The following ASRGL1 variants were observed in gnomAD, a reference collection of about 807,000 sequenced individuals.
ASRGL1 encodes asparaginase and isoaspartyl peptidase 1.
Under a neutral mutation model 22.4 loss-of-function variants are expected in ASRGL1, and 16 were observed. That is an observed-to-expected ratio of 0.71 (90% CI 0.48 to 1.08). ASRGL1 has a LOEUF of 1.08. Ranked by LOEUF, ASRGL1 falls within the 50% of genes least tolerant of loss-of-function variation. The pLI, the probability that ASRGL1 is intolerant of heterozygous loss-of-function variation, is 0.00. For synonymous variants in ASRGL1, 165 were observed against 159.3 expected (o/e 1.04, Z -0.27); for missense variants, 412 against 410.1 (o/e 1.00, Z -0.04).
chr11:62,356,501 A>C lies in ASRGL1; in HGVS notation c.333+34A>C, dbSNP rs150303172. The stretch of plus-strand genomic sequence containing the variant: ...GACTAAAGCAGCCTTTTCCTAATGA[A>C]TTGTTATTGTTATACTGCAGTGATA... On this transcript the variant is annotated intron_variant, in intron 3 of 6. Coordinates refer to ENST00000415229, the MANE Select transcript of ASRGL1 (RefSeq NM_001083926.2). The C allele has an allele frequency of 5.0e-6, 8 of 1,605,820 alleles. No individual in the cohort carries two copies. In the South Asian group the frequency reaches 5.5e-5, roughly 11 times the overall value.
chr11:62,392,159 G>T lies in ASRGL1; in HGVS notation c.802G>T (p.Val268Phe). Reference sequence around the variant, plus strand: ...TAAAGGTTTAGGTGGCCTCATCGTGGTTAGCAAAACAGGAGACTGGGTGGC... The same window carrying T: ...TAAAGGTTTAGGTGGCCTCATCGTGTTTAGCAAAACAGGAGACTGGGTGGC... ...RVKGLGGLIV[V>F]SKTGDWVAKW... is the part of the protein sequence containing the mutation. The change falls in exon 7 of 7, where the codon GTT becomes TTT. Residue 268 changes from valine to phenylalanine, a missense_variant. Val to Phe is a conservative substitution (Grantham distance 50). Transcript: ENST00000415229. The T allele has an allele frequency of 6.2e-7, 1 of 1,614,228 alleles. No individual in the cohort carries two copies. Among genetic ancestry groups the T allele is most frequent in the Non-Finnish European group, 8.5e-7 (1 of 1,180,046 alleles).
intron 4 of ASRGL1, among the ~76,000 whole-genome samples, chr11:62,373,550 A>G (rs1325449756): frequency 6.6e-6 from 1 of 152,184 alleles, no homozygotes; most frequent in African/African-American, 2.4e-5. Context: ...AGTGGATGCT[A>G]CATGGAAGAG....
In ASRGL1 at chr11:62,338,188, G is replaced by A. The variant is rs188144930; in HGVS notation, c.190+21G>A. 505 of 1,521,870 alleles carry A rather than the reference G, an allele frequency of 3.3e-4. 1 individual carries two copies. In the African/African-American group the frequency reaches 6.3e-3, roughly 19 times the overall value. 94.3% of individuals were successfully genotyped at this position (1,521,870 alleles called of 1,614,324 possible). A position where few individuals can be genotyped will look rare whatever the true frequency, so the allele number is the denominator to read the frequency against. On this transcript the variant is annotated intron_variant, in intron 2 of 6. Coordinates refer to ENST00000415229, the MANE Select transcript of ASRGL1 (RefSeq NM_001083926.2). ...CGCAGGTAAATGTGCCTTTCAGCTA[G>A]TAAATAATGTGAGTCAGGTCAAGCT...
At chr11:62,343,721 C>T (rs1344609618) in intron 2 of ASRGL1, among the ~76,000 whole-genome samples, 1 of 138,488 alleles carries the variant, frequency 7.2e-6, no homozygotes, top group African/African-American at 2.6e-5. Context: ...AAGCAAGACT[C>T]CAGCTCCACA....
chr11:62,359,605 G>A (rs1946385525), intron 4 of ASRGL1, among the ~76,000 whole-genome samples: 1 of 152,012 alleles, frequency 6.6e-6, no homozygotes, highest in Non-Finnish European at 1.5e-5. Context: ...ACATCTCACT[G>A]AGGACAGCCA....
intron 2 of ASRGL1, among the ~76,000 whole-genome samples, chr11:62,345,200 C>T (rs1012353641): frequency 1.3e-5 from 2 of 152,190 alleles, no homozygotes; most frequent in East Asian, 3.8e-4. Flanking sequence ...CCTCCATATA[C>T]TGATTTCCTT....
chr11:62,379,606 A>G (rs1359362429), intron 4 of ASRGL1, among the ~76,000 whole-genome samples: 1 of 152,222 alleles, frequency 6.6e-6, no homozygotes, highest in Non-Finnish European at 1.5e-5. Context: ...GATTAGTCCT[A>G]CAGTCCCCTC....
rs141387079 is a variant in ASRGL1 at position 62,363,335 on chromosome 11, G to A, written c.491+6191G>A. Among the ~76,000 whole-genome samples the A allele has an allele frequency of 2.5e-4, 38 of 151,948 alleles. No homozygotes were observed. The East Asian group carries it at 7.4e-3, about 29-fold the overall frequency. On this transcript the variant is annotated intron_variant, in intron 4 of 6. Transcript: ENST00000415229. Reference sequence around the variant, plus strand: ...AAAATCCAGGGAAATTGAAACAAGGGAACAAAAATATTTACCTAGCTTGAA... The same window carrying A: ...AAAATCCAGGGAAATTGAAACAAGGAAACAAAAATATTTACCTAGCTTGAA...
At chr11:62,371,867 T>C in intron 4 of ASRGL1, 2 of 528,768 alleles carry the variant, frequency 3.8e-6, no homozygotes, top group Admixed American at 3.4e-5. Flanking sequence ...GGCAGGAGAA[T>C]GGCGTGAACC....
the ASRGL1 span, among the ~76,000 whole-genome samples, chr11:62,399,526 G>A: frequency 3.4e-4 from 51 of 152,180 alleles, no homozygotes; most frequent in Non-Finnish European, 6.2e-4. Context: ...TGAGAGAAAG[G>A]GTACCAACAC....
chr11:62,383,464 G>C (rs1020530961), intron 4 of ASRGL1, among the ~76,000 whole-genome samples: 19 of 150,800 alleles, frequency 1.3e-4, no homozygotes, highest in Non-Finnish European at 2.4e-4. Context: ...TTAGCCGGGC[G>C]TAGTGGCGGG....
At chr11:62,339,141 T>A (rs557702032) in intron 2 of ASRGL1, among the ~76,000 whole-genome samples, 1 of 152,262 alleles carries the variant, frequency 6.6e-6, no homozygotes, top group African/African-American at 2.4e-5. Flanking sequence ...GAATGTAGAT[T>A]TTCCCCACAA....
At chr11:62,368,358 G>C (rs1946672336) in intron 4 of ASRGL1, among the ~76,000 whole-genome samples, 1 of 152,116 alleles carries the variant, frequency 6.6e-6, no homozygotes, top group Non-Finnish European at 1.5e-5. Context: ...TACACCTACT[G>C]CTGCTGTGAA....
At chr11:62,400,888 A>T in the ASRGL1 span, among the ~76,000 whole-genome samples, 1 of 152,172 alleles carries the variant, frequency 6.6e-6, no homozygotes, top group Non-Finnish European at 1.5e-5. Flanking sequence ...ACGGCCGCAC[A>T]ATGAAAACCA....
intron 4 of ASRGL1, chr11:62,371,197 C>G: frequency 8.0e-7 from 1 of 1,249,410 alleles, no homozygotes; most frequent in Non-Finnish European, 1.1e-6. Flanking sequence ...CGGCACTGCC[C>G]ACGCCAGGGC....
chr11:62,374,147 G>A (rs532898511), intron 4 of ASRGL1, among the ~76,000 whole-genome samples: 3 of 152,250 alleles, frequency 2.0e-5, no homozygotes, highest in South Asian at 2.1e-4. Context: ...GCTGAGACTC[G>A]GGGTACCGTT....
At chr11:62,341,978 G>A (rs1482536510) in intron 2 of ASRGL1, among the ~76,000 whole-genome samples, 1 of 152,134 alleles carries the variant, frequency 6.6e-6, no homozygotes, top group East Asian at 1.9e-4. Flanking sequence ...ATTTTATTTA[G>A]TAAGGCCGTT....
chr11:62,387,655 G>A (rs1289464015), intron 4 of ASRGL1, among the ~76,000 whole-genome samples: 2 of 152,182 alleles, frequency 1.3e-5, no homozygotes, highest in South Asian at 4.1e-4. Context: ...GTGTAAAACA[G>A]CACCTCCCCA....
intron 1 of ASRGL1, 120 bp downstream of exon 1, chr11:62,337,694 G>A: frequency 2.7e-6 from 1 of 373,160 alleles, no homozygotes; most frequent in Non-Finnish European, 4.8e-6. Flanking sequence ...GGGGCTTGGA[G>A]GCGGGCGGCG....
Sources: gnomAD v4.1 joint callset for allele counts (sites outside exome capture counted in the v4.1 genomes callset) on GRCh38, gnomAD v4.1.1 for gene constraint, MANE v1.5 for transcripts, NCBI Gene and HGNC (gene_info 2026-07-23, HGNC 2026-07-21) for gene names.